Variants in HS6ST3 observed in about 807,000 individuals in gnomAD.
The protein encoded by HS6ST3 is heparan-sulfate 6-O-sulfotransferase 3.
In HS6ST3, 12 loss-of-function variants were observed where a neutral mutation model predicts 36.7. The observed-to-expected ratio is 0.33, with a 90% CI of 0.21 to 0.53. The LOEUF (loss-of-function observed/expected upper bound fraction) is 0.53. Among genes scored for constraint, HS6ST3 ranks in the 20% least tolerant of loss-of-function variants. HS6ST3 has a pLI of 0.95. For missense variants in HS6ST3, 584 were observed against 640.9 expected, an observed-to-expected ratio of 0.91 and a Z score of 0.96; for synonymous variants, 240 against 257.5, an observed-to-expected ratio of 0.93 and a Z score of 0.65.
At chr13:96,597,538 AT>A (rs112000741) in intron 1 of HS6ST3, among the ~76,000 whole-genome samples, 25 of 150,230 alleles carry the variant, frequency 1.7e-4, no homozygotes, top group African/African-American at 4.1e-4. Context: ...GAGATTATTT[AT>A]TTTTTTTTCT....
chr13:96,488,953 G>T (rs1412104590), intron 1 of HS6ST3, among the ~76,000 whole-genome samples: 2 of 151,924 alleles, frequency 1.3e-5, no homozygotes, highest in Non-Finnish European at 2.9e-5. Flanking sequence ...ACATACCATG[G>T]TATGATAGGT....
intron 1 of HS6ST3, among the ~76,000 whole-genome samples, chr13:96,600,913 T>C (rs1048618575): frequency 6.6e-6 from 1 of 152,150 alleles, no homozygotes; most frequent in Non-Finnish European, 1.5e-5. Context: ...TTGTTTCTCC[T>C]TCATTTGTGA....
chr13:96,781,040 T>C (rs1319725653), intron 1 of HS6ST3, among the ~76,000 whole-genome samples: 2 of 151,930 alleles, frequency 1.3e-5, no homozygotes, highest in East Asian at 1.9e-4. Flanking sequence ...CCTAGAACAG[T>C]CCATTTTAAT....
intron 1 of HS6ST3, among the ~76,000 whole-genome samples, chr13:96,390,682 A>G (rs2055391019): frequency 6.6e-6 from 1 of 152,096 alleles, no homozygotes; most frequent in African/African-American, 2.4e-5. Flanking sequence ...ACAACACTCA[A>G]TCTGTCACCA....
At chr13:96,813,079 G>A (rs1360904499) in intron 1 of HS6ST3, among the ~76,000 whole-genome samples, 1 of 152,164 alleles carries the variant, frequency 6.6e-6, no homozygotes, top group Non-Finnish European at 1.5e-5. Flanking sequence ...CAGAGGAACT[G>A]TATTTAAAGC....
intron 1 of HS6ST3, among the ~76,000 whole-genome samples, chr13:96,748,670 A>G (rs1020246181): frequency 9.2e-5 from 14 of 152,100 alleles, no homozygotes; most frequent in Non-Finnish European, 1.5e-5. Context: ...TTGAGTGACT[A>G]TGCCTCAATG....
chr13:96,617,075 T>G (rs1196609720), intron 1 of HS6ST3, among the ~76,000 whole-genome samples: 2 of 152,224 alleles, frequency 1.3e-5, no homozygotes, highest in Non-Finnish European at 2.9e-5. Flanking sequence ...AGATATGACT[T>G]TTGTAGTATG....
At chr13:96,237,871 T>G (rs1202204555) in intron 1 of HS6ST3, among the ~76,000 whole-genome samples, 3 of 152,186 alleles carry the variant, frequency 2.0e-5, no homozygotes, top group African/African-American at 7.2e-5. Flanking sequence ...CATATCTCAC[T>G]CGATGACTTT....
intron 1 of HS6ST3, among the ~76,000 whole-genome samples, chr13:96,672,083 A>G (rs2056684445): frequency 6.6e-6 from 1 of 152,146 alleles, no homozygotes; most frequent in African/African-American, 2.4e-5. Flanking sequence ...ATTTCTAAAT[A>G]CCATGCTCAG....
At chr13:96,095,888 G>GTGTGTA (rs2139292089) in intron 1 of HS6ST3, among the ~76,000 whole-genome samples, 1 of 151,746 alleles carries the variant, frequency 6.6e-6, no homozygotes, top group Admixed American at 6.6e-5. Flanking sequence ...GTGTGTGTGT[G>GTGTGTA]TGTGTGTGTG....
intron 1 of HS6ST3, among the ~76,000 whole-genome samples, chr13:96,230,226 T>C (rs2054501544): frequency 6.6e-6 from 1 of 152,046 alleles, no homozygotes; most frequent in Admixed American, 6.6e-5. Context: ...TGAAGATGGA[T>C]TGGAGTGGGC....
chr13:96,550,651 G>GTTTT (rs146390953), intron 1 of HS6ST3, among the ~76,000 whole-genome samples: 1 of 148,296 alleles, frequency 6.7e-6, no homozygotes, highest in African/African-American at 2.5e-5. Flanking sequence ...AATATTTTAT[G>GTTTT]TTTTTTTTTT....
At chr13:96,120,119 G>A (rs1162213728) in intron 1 of HS6ST3, among the ~76,000 whole-genome samples, 1 of 152,198 alleles carries the variant, frequency 6.6e-6, no homozygotes, top group Non-Finnish European at 1.5e-5. Context: ...AGAATGCCCT[G>A]TGAGAGGGAA....
At chr13:96,797,452 A>AT (rs1216540332) in intron 1 of HS6ST3, among the ~76,000 whole-genome samples, 2 of 152,082 alleles carry the variant, frequency 1.3e-5, no homozygotes, top group Non-Finnish European at 2.9e-5. Context: ...GAATGATAGA[A>AT]TTGCAATAAG....
intron 1 of HS6ST3, among the ~76,000 whole-genome samples, chr13:96,696,588 C>T (rs1047852039): frequency 2.0e-5 from 3 of 152,202 alleles, no homozygotes; most frequent in African/African-American, 7.2e-5. Flanking sequence ...GAACAGTGTT[C>T]AGGCAGGACT....
intron 1 of HS6ST3, among the ~76,000 whole-genome samples, chr13:96,417,375 G>A (rs2055538801): frequency 1.3e-5 from 2 of 152,228 alleles, no homozygotes; most frequent in South Asian, 2.1e-4. Context: ...AAGAAAGAGA[G>A]AGGAATTAAA....
At chr13:96,653,298 T>C (rs1316544780) in intron 1 of HS6ST3, among the ~76,000 whole-genome samples, 1 of 152,052 alleles carries the variant, frequency 6.6e-6, no homozygotes, top group African/African-American at 2.4e-5. Context: ...TTATGGCGAT[T>C]TGTTGCACTT....
chr13:96,342,976 T>G (rs1381847929), intron 1 of HS6ST3, among the ~76,000 whole-genome samples: 1 of 152,240 alleles, frequency 6.6e-6, no homozygotes, highest in Non-Finnish European at 1.5e-5. Flanking sequence ...TCCTCAATTT[T>G]GTACTGCTTC....
chr13:96,629,766 C>T (rs1186466816), intron 1 of HS6ST3, among the ~76,000 whole-genome samples: 1 of 151,392 alleles, frequency 6.6e-6, no homozygotes, highest in Non-Finnish European at 1.5e-5. Context: ...TATCTGAGGT[C>T]TATTGTCTTT....
Sources: gnomAD v4.1 joint callset for allele counts (sites outside exome capture counted in the v4.1 genomes callset) on GRCh38, gnomAD v4.1.1 for gene constraint, MANE v1.5 for transcripts, NCBI Gene and HGNC (gene_info 2026-07-23, HGNC 2026-07-21) for gene names.